The following EIF2B4 variants were observed in gnomAD, a reference collection of about 807,000 sequenced individuals.
The protein encoded by EIF2B4 is eukaryotic translation initiation factor 2B subunit delta, also known as translation initiation factor eIF2B subunit delta.
Under a neutral mutation model 66.7 loss-of-function variants are expected in EIF2B4, and 34 were observed. The observed-to-expected ratio is 0.51, with a 90% confidence interval of 0.39 to 0.68. EIF2B4 has a LOEUF of 0.68. Among genes scored for constraint, EIF2B4 ranks in the 30% least tolerant of loss-of-function variants. The pLI is 0.00. For missense variants in EIF2B4, 618 were observed against 657.9 expected, an observed-to-expected ratio of 0.94 and a Z score of 0.66; for synonymous variants, 278 against 253.6, an observed-to-expected ratio of 1.10 and a Z score of -0.92.
intron 6 of EIF2B4, 93 bp downstream of exon 6, chr2:27,368,279 T>C: frequency 7.3e-7 from 1 of 1,372,166 alleles, no homozygotes; most frequent in Non-Finnish European, 1.0e-6. Context: ...TACTTTTTCC[T>C]ACAGAGTCCA....
Position 27,367,111 on chromosome 2 carries a change from T to C in EIF2B4, c.976A>G (p.Lys326Glu). 6.2e-7 allele frequency: 1 copy of C among 1,614,222 alleles called. No homozygotes were observed. The highest frequency in any genetic ancestry group is 8.5e-7 in the Non-Finnish European group (1 of 1,180,050). ...AGGATCACATCTCCATTACTGATCT[T>C]CTGGTAAGCAAAGCGTGAAATTGCC... ...AQAISRFAYQ[K>E]ISNGDVILVY... is the part of the protein sequence containing the mutation. Residue 326 changes from lysine (K) to glutamate (E), a missense_variant, in exon 10 of 13, where the codon AAG becomes GAG. This residue lies in a region of EIF2B4 where 506 missense variants were observed against 511.9 expected (regional missense o/e 0.99). Transcript: ENST00000347454.
intron 2 of EIF2B4, 97 bp from the exon 3 acceptor site, chr2:27,369,646 T>C: frequency 1.3e-6 from 2 of 1,592,808 alleles, no homozygotes; most frequent in Non-Finnish European, 1.7e-6. Context: ...GTTAAATCCC[T>C]AGTTCTTCCT....
intron 11 of EIF2B4, chr2:27,365,468 C>T (rs2148369894): frequency 6.3e-6 from 1 of 159,262 alleles, no homozygotes; most frequent in South Asian, 1.7e-4. Flanking sequence ...GCTCTGCCTC[C>T]TGGGTTCACG....
intron 3 of EIF2B4, 66 bp from the exon 4 acceptor site, chr2:27,369,278 T>G: frequency 6.2e-7 from 1 of 1,606,470 alleles, no homozygotes; most frequent in Admixed American, 1.7e-5. Flanking sequence ...CAGCTAAAAC[T>G]AGCTTCTCTC....
chr2:27,364,977 C>T, intron 11 of EIF2B4, 79 bp from the exon 12 acceptor site: 1 of 1,400,476 alleles, frequency 7.1e-7, no homozygotes. Context: ...TACAGGACAG[C>T]AACATTAAGA....
intron 11 of EIF2B4, chr2:27,366,271 CATT>C (rs1681862144): frequency 4.2e-6 from 1 of 237,898 alleles, no homozygotes; most frequent in Non-Finnish European, 8.3e-6. Context: ...TACAGGGTCT[CATT>C]ATGTTGAGCA....
chr2:27,367,633 A>T, intron 8 of EIF2B4, 74 bp from the exon 9 acceptor site: 1 of 1,594,848 alleles, frequency 6.3e-7, no homozygotes, highest in South Asian at 1.1e-5. Context: ...TTAAAAAAAA[A>T]GTCTTTAAAA....
intron 4 of EIF2B4, 92 bp from the exon 5 acceptor site, chr2:27,368,825 T>C: frequency 6.7e-7 from 1 of 1,484,962 alleles, no homozygotes; most frequent in Non-Finnish European, 9.4e-7. Flanking sequence ...AAAAACAGGA[T>C]GAGGTGGAGA....
intron 5 of EIF2B4, 90 bp from the exon 6 acceptor site, chr2:27,368,553 G>T: frequency 6.4e-7 from 1 of 1,554,224 alleles, no homozygotes; most frequent in South Asian, 1.1e-5. Context: ...AGACTACTCT[G>T]ACCCAAGCAC....
In EIF2B4 at chr2:27,366,944, G is replaced by T; in HGVS notation, c.1014-8C>A. 3 of 1,614,166 alleles carry T rather than the reference G, an allele frequency of 1.9e-6. No individual in the cohort carries two copies. Among genetic ancestry groups the T allele is most frequent in the Non-Finnish European group, 2.5e-6 (3 of 1,180,052 alleles). ...CGTGATACCAGAGATGAGCTAGAGTGAATGAAGAGGAGGATTCAGTTATAA... is the reference window on the plus strand; with the variant it reads ...CGTGATACCAGAGATGAGCTAGAGTTAATGAAGAGGAGGATTCAGTTATAA... On this transcript the variant is annotated splice_region_variant and splice_polypyrimidine_tract_variant and intron_variant, in intron 10 of 12. Transcript: ENST00000347454.
rs779229365 is a variant in EIF2B4, at chr2:27,366,816, A to G, written c.1134T>C (p.His378=). The change falls in exon 11 of 13, where the codon CAT becomes CAC. Residue 378 remains histidine, a synonymous_variant. Coordinates refer to ENST00000347454, the MANE Select transcript of EIF2B4 (RefSeq NM_001034116.2). Reference sequence around the variant, plus strand: ...GCAGGTAGGAGGCTGGGACACCAGCATGGACTAGAGAACGTAGTGTGTGCC... The same window carrying G: ...GCAGGTAGGAGGCTGGGACACCAGCGTGGACTAGAGAACGTAGTGTGTGCC... ...EGRHTLRSLV[H]AGVPASYLLI... The G allele has an allele frequency of 6.2e-7, 1 of 1,614,240 alleles. No individual in the cohort carries two copies. Among genetic ancestry groups the G allele is most frequent in the Non-Finnish European group, 8.5e-7 (1 of 1,180,042 alleles).
chr2:27,367,348 C>T, intron 9 of EIF2B4, 109 bp downstream of exon 9: 2 of 1,579,308 alleles, frequency 1.3e-6, no homozygotes, highest in Middle Eastern at 1.7e-4. Context: ...CATTCCTTAA[C>T]CCTTGACTAG....
chr2:27,366,481 C>T (rs1681873261), intron 11 of EIF2B4: 1 of 457,364 alleles, frequency 2.2e-6, no homozygotes, highest in Non-Finnish European at 4.0e-6. Flanking sequence ...CCCAGGAGTT[C>T]CAGCCTGGGC....
At position 27,367,125 on chromosome 2, in the gene EIF2B4, C is replaced by A; in HGVS notation, c.962G>T (p.Arg321Leu). Residue 321 changes from arginine (R) to leucine (L), a missense_variant, in exon 10 of 13, where the codon CGC becomes CTC. Arg to Leu is a moderately radical substitution (Grantham distance 102). Coordinates refer to ENST00000347454, the MANE Select transcript of EIF2B4 (RefSeq NM_001034116.2). ...KIVLAAQAIS[R>L]FAYQKISNGD... The stretch of plus-strand genomic sequence containing the variant: ...ATTACTGATCTTCTGGTAAGCAAAG[C>A]GTGAAATTGCCTGAGCTGCTAGCAC... The A allele has an allele frequency of 6.2e-7, 1 of 1,614,190 alleles. No individual in the cohort carries two copies. The highest frequency in any genetic ancestry group is 8.5e-7 in the Non-Finnish European group (1 of 1,180,034).
intron 9 of EIF2B4, 69 bp downstream of exon 9, chr2:27,367,378 TGGCCTTCCCG>T: frequency 1.9e-6 from 3 of 1,597,456 alleles, no homozygotes; most frequent in Non-Finnish European, 2.6e-6. Context: ...AGGCTTACGT[TGGCCTTCCCG>T]GGAGTTTTTA....
chr2:27,367,839 G>C lies in EIF2B4; in HGVS notation c.706-17C>G. The stretch of plus-strand genomic sequence containing the variant: ...CTGAATCACCTATAGGGTACACAAG[G>C]TGATCTGCAAAATACCCCTTAATAA... On this transcript the variant is annotated splice_polypyrimidine_tract_variant and intron_variant, in intron 7 of 12. Transcript: ENST00000347454. 6.2e-7 allele frequency: 1 copy of C among 1,611,106 alleles called. No individual in the cohort carries two copies. Among genetic ancestry groups the C allele is most frequent in the Non-Finnish European group, 8.5e-7 (1 of 1,177,272 alleles).
At chr2:27,369,846 C>G in intron 2 of EIF2B4, 30 bp downstream of exon 2, 1 of 1,560,062 alleles carries the variant, frequency 6.4e-7, no homozygotes, top group Non-Finnish European at 8.7e-7. Context: ...TAGCGCTTGG[C>G]AGGCGGCTTG....
chr2:27,367,425 T>G, intron 9 of EIF2B4, 32 bp downstream of exon 9: 1 of 1,612,642 alleles, frequency 6.2e-7, no homozygotes, highest in Non-Finnish European at 8.5e-7. Context: ...TACCCACAGG[T>G]GCATGCCTTC....
At chr2:27,367,353 G>A in intron 9 of EIF2B4, 104 bp downstream of exon 9, 1 of 1,580,290 alleles carries the variant, frequency 6.3e-7, no homozygotes, top group Non-Finnish European at 8.7e-7. Flanking sequence ...CTTAACCCTT[G>A]ACTAGGGCAA....
Sources: gnomAD v4.1 joint callset for allele counts on GRCh38, gnomAD v4.1.1 for gene constraint, gnomAD v4.1.1 regional missense constraint, MANE v1.5 for transcripts, NCBI Gene and HGNC (gene_info 2026-07-23, HGNC 2026-07-21) for gene names.